Variants in LONP1 observed in about 807,000 individuals in gnomAD.
LONP1 encodes lon protease homolog, mitochondrial.
LONP1 carries 31 observed loss-of-function variants against 98.5 expected under a neutral mutation model. That is an observed-to-expected ratio of 0.31 (90% CI 0.24 to 0.42). The LOEUF is 0.42. Among genes scored for constraint, LONP1 ranks in the 20% least tolerant of loss-of-function variants. LONP1 has a pLI of 1.00. For synonymous variants in LONP1, 781 were observed against 594.7 expected, an observed-to-expected ratio of 1.31 and a Z score of -4.56; for missense variants, 1,336 against 1,350.6, an observed-to-expected ratio of 0.99 and a Z score of 0.17.
Position 5,719,837 on chromosome 19 carries a change from C to A in LONP1, c.296G>T (p.Gly99Val), listed in dbSNP as rs747867148. The stretch of plus-strand genomic sequence containing the variant: ...CGGGCCTTCCCCGGCGCCCGCGCTG[C>A]CCCCCGCGCCGCCGGCTCCTTCCTC... ...GAEEGAGGAG[G>V]SAGAGEGPVI... Residue 99 changes from glycine (G) to valine (V), a missense_variant, in exon 1 of 18, where the codon GGC becomes GTC. Around this residue, in one of 5 missense-constraint regions of LONP1, gnomAD observed 457 missense variants for 403.1 expected, o/e 1.13. Coordinates refer to ENST00000360614, the MANE Select transcript of LONP1 (RefSeq NM_004793.4). 1 of 1,607,992 alleles carries A rather than the reference C, an allele frequency of 6.2e-7. No individual in the cohort carries two copies. The highest frequency in any genetic ancestry group is 8.5e-7 in the Non-Finnish European group (1 of 1,177,936).
chr19:5,692,253 G>C, intron 17 of LONP1, 45 bp from the exon 18 acceptor site: 1 of 1,560,484 alleles, frequency 6.4e-7, no homozygotes, highest in Non-Finnish European at 8.7e-7. Flanking sequence ...CTGTGGGAGG[G>C]CAGCAGGTGT....
At position 5,700,838 on chromosome 19, in the gene LONP1, A is replaced by G. The variant is rs2055027494; in HGVS notation, c.1457T>C (p.Val486Ala). 4 of 1,614,076 alleles carry G rather than the reference A, an allele frequency of 2.5e-6. No individual in the cohort carries two copies. In the African/African-American group the frequency reaches 5.3e-5, roughly 22 times the overall value. Residue 486 changes from valine (V) to alanine (A), a missense_variant, in exon 9 of 18, where the codon GTG (valine) becomes GCG (alanine). By Grantham distance (64) the Val-to-Ala change is moderately conservative. This residue lies in a region of LONP1 where 219 missense variants were observed against 241.0 expected (regional missense o/e 0.91). Transcript: ENST00000360614. ...ENLDLARAQA[V>A]LEEDHYGMED... ...CATGCCGTAGTGGTCTTCCTCCAGCACTGCCTGTGCCCGCGCCAGGTCCAG... is the reference window on the plus strand; with the variant it reads ...CATGCCGTAGTGGTCTTCCTCCAGCGCTGCCTGTGCCCGCGCCAGGTCCAG...
At chr19:5,692,460 T>C (rs2054843853) in intron 17 of LONP1, among the ~76,000 whole-genome samples, 1 of 152,136 alleles carries the variant, frequency 6.6e-6, no homozygotes, top group African/African-American at 2.4e-5. Context: ...CTAGGAAGTC[T>C]GGCCGTGCGG....
Position 5,696,092 on chromosome 19 carries a change from A to C in LONP1, c.1975T>G (p.Ser659Ala). 6.2e-7 allele frequency: 1 copy of C among 1,612,988 alleles called. No individual in the cohort carries two copies. The highest frequency in any genetic ancestry group is 8.5e-7 in the Non-Finnish European group (1 of 1,179,878). ...AGCTTCTCCTGGGCCACGTAGCCCG[A>C]CACGTTGATCATCTCCATACGGTCT... ...LRDRMEMINV[S>A]GYVAQEKLAI... Residue 659 changes from serine (S) to alanine (A), a missense_variant, in exon 13 of 18, where the codon TCG becomes GCG. Ser to Ala is a moderately conservative substitution (Grantham distance 99). This residue lies in a region of LONP1 where 555 missense variants were observed against 542.6 expected (regional missense o/e 1.02). Coordinates refer to ENST00000360614, the MANE Select transcript of LONP1 (RefSeq NM_004793.4).
intron 8 of LONP1, among the ~76,000 whole-genome samples, chr19:5,702,929 CTTGT>C (rs1018418468): frequency 3.3e-5 from 5 of 150,486 alleles, no homozygotes; most frequent in Non-Finnish European, 5.9e-5. Flanking sequence ...CCCTTGTTCA[CTTGT>C]TTATCTGCTG....
At chr19:5,698,945 T>C in intron 10 of LONP1, 82 bp downstream of exon 10, 1 of 1,393,580 alleles carries the variant, frequency 7.2e-7, no homozygotes, top group Non-Finnish European at 9.6e-7. Flanking sequence ...CTCTACCAGA[T>C]GTTAAAGGGT....
chr19:5,709,770 G>A (rs1310821864), intron 4 of LONP1, among the ~76,000 whole-genome samples: 3 of 151,692 alleles, frequency 2.0e-5, no homozygotes, highest in Non-Finnish European at 4.4e-5. Flanking sequence ...AAATTAGCCG[G>A]GTGTGGTGGC....
chr19:5,713,067 G>C, intron 3 of LONP1, 67 bp downstream of exon 3: 1 of 1,605,308 alleles, frequency 6.2e-7, no homozygotes, highest in African/African-American at 1.3e-5. Flanking sequence ...GGGGCATAAG[G>C]CATCCTGGCT....
upstream of LONP1, chr19:5,720,341 G>A (rs1295161483): frequency 5.4e-6 from 4 of 739,924 alleles, no homozygotes; most frequent in Non-Finnish European, 8.1e-6. Flanking sequence ...TGCGCTGAAG[G>A]CCTTTTCCGG....
intron 4 of LONP1, 167 bp from the exon 5 acceptor site, chr19:5,708,570 C>G: frequency 3.3e-6 from 2 of 613,712 alleles, no homozygotes; most frequent in Middle Eastern, 4.3e-4. Context: ...AGTGCAGTCC[C>G]TGGTGGACTC....
chr19:5,696,806 C>T lies in LONP1; in HGVS notation c.1686-49G>A, dbSNP rs552289191. ...AGGTCACTTGGTAGCCTGGCTCGGC[C>T]ACAACGACACCATGCACCCTCCAGG... On this transcript the variant is annotated intron_variant, in intron 10 of 17. Transcript: ENST00000360614. The T allele has an allele frequency of 4.6e-6, 6 of 1,301,188 alleles. No individual in the cohort carries two copies. In the South Asian group the frequency reaches 7.3e-5, roughly 16 times the overall value. The allele number at this position is 1,301,188 out of a possible 1,614,324, so 80.6% of individuals were successfully genotyped here. A position where few individuals can be genotyped will look rare whatever the true frequency, so the allele number is the denominator to read the frequency against.
At chr19:5,717,457 T>C (rs896748926) in intron 1 of LONP1, 40 of 152,212 alleles carry the variant, frequency 2.6e-4, no homozygotes, top group African/African-American at 9.2e-4. Flanking sequence ...AAATACTATC[T>C]GCAGCCACTC....
rs1479039160 is a variant in LONP1 at position 5,691,957 on chromosome 19, G to T, written c.*75C>A. ...CTCGGTGGCTCCACTGCCAGGTCCGGGCGCGCTCCCCACAGCGCTCAGTTC... is the reference window on the plus strand; with the variant it reads ...CTCGGTGGCTCCACTGCCAGGTCCGTGCGCGCTCCCCACAGCGCTCAGTTC... On this transcript the variant is annotated 3_prime_UTR_variant, in exon 18 of 18. Coordinates refer to ENST00000360614, the MANE Select transcript of LONP1 (RefSeq NM_004793.4). The T allele has an allele frequency of 5.7e-6, 5 of 878,952 alleles. No individual in the cohort carries two copies. In the South Asian group the frequency reaches 5.7e-5, roughly 10 times the overall value. The allele number at this position is 878,952 out of a possible 1,614,324, so 54.4% of individuals were successfully genotyped here.
In LONP1 at chr19:5,692,222, C is replaced by A; in HGVS notation, c.2704-14G>T. On this transcript the variant is annotated splice_polypyrimidine_tract_variant and intron_variant, in intron 17 of 17. Transcript: ENST00000360614. The stretch of plus-strand genomic sequence containing the variant: ...TGCGCGCTTGGCCTGGGGGCAGAGT[C>A]AGGGTCAGCCCTGCCTGGGCCTGTG... 1.2e-6 allele frequency: 2 copies of A among 1,605,578 alleles called. No individual in the cohort carries two copies. Among genetic ancestry groups the A allele is most frequent in the South Asian group, 1.1e-5 (1 of 90,020 alleles).
intron 4 of LONP1, among the ~76,000 whole-genome samples, chr19:5,709,510 C>T (rs1308056685): frequency 5.3e-5 from 8 of 151,566 alleles, no homozygotes; most frequent in Non-Finnish European, 1.2e-4. Context: ...CCAAAGAAAC[C>T]GTAATCACCT....
intron 4 of LONP1, 103 bp downstream of exon 4, chr19:5,711,668 G>T (rs185274878): frequency 1.1e-6 from 1 of 925,224 alleles, no homozygotes. Context: ...CCTTCCTAAG[G>T]GGCTCAGGGT....
In LONP1 at chr19:5,696,430, GGGGAGACCCCA is replaced by G. The variant is rs573515863; in HGVS notation, c.1774-70_1774-60del. On this transcript the variant is annotated intron_variant, in intron 11 of 17. Transcript: ENST00000360614. ...CGTGCCCCTGGCCAGCCCGCCCAGT[GGGGAGACCCCA>G]GGGTCAGGGCTGGGGAGACCCCGAG... The G allele has an allele frequency of 4.3e-3, 6,858 of 1,588,292 alleles. 25 individuals are homozygous for G. The highest frequency in any genetic ancestry group is 5.3e-3 in the Non-Finnish European group (6,217 of 1,165,660).
In LONP1 at chr19:5,696,376, GGCA is replaced by G; in HGVS notation, c.1774-8_1774-6del. On this transcript the variant is annotated splice_region_variant and splice_polypyrimidine_tract_variant and intron_variant, in intron 11 of 17. Coordinates refer to ENST00000360614, the MANE Select transcript of LONP1 (RefSeq NM_004793.4). Reference sequence around the variant, plus strand: ...GCCTCGGCCGATCTTGTCCACCTGGGGCAGCAGACAGCAGGTGGTGCCCCTCGC... The same window carrying G: ...GCCTCGGCCGATCTTGTCCACCTGGGGCAGACAGCAGGTGGTGCCCCTCGC... 1.2e-6 allele frequency: 2 copies of G among 1,612,364 alleles called. No individual in the cohort carries two copies. The highest frequency in any genetic ancestry group is 1.7e-6 in the Non-Finnish European group (2 of 1,179,450).
chr19:5,712,732 C>T (rs1377545337), intron 3 of LONP1, among the ~76,000 whole-genome samples: 1 of 152,122 alleles, frequency 6.6e-6, no homozygotes, highest in Non-Finnish European at 1.5e-5. Context: ...TGGGCTTAAG[C>T]GATCCTCCCA....
Sources: gnomAD v4.1 joint callset for allele counts (sites outside exome capture counted in the v4.1 genomes callset) on GRCh38, gnomAD v4.1.1 for gene constraint, gnomAD v4.1.1 regional missense constraint, MANE v1.5 for transcripts, NCBI Gene and HGNC (gene_info 2026-07-23, HGNC 2026-07-21) for gene names.